The following MAP3K3 variants were observed in gnomAD, a reference collection of about 807,000 sequenced individuals.
MAP3K3 encodes MAP/ERK kinase kinase 3.
MAP3K3 carries 12 observed loss-of-function variants against 80.9 expected under a neutral mutation model. The ratio of observed to expected loss-of-function variants is 0.15; its 90% confidence interval spans 0.10 to 0.24. The LOEUF is 0.24. Ranked by LOEUF, MAP3K3 falls within the 10% of genes least tolerant of loss-of-function variation. The pLI is 1.00. For missense variants in MAP3K3, 596 were observed against 834.7 expected (o/e 0.71, Z 3.52); for synonymous variants, 272 against 307.1 (o/e 0.89, Z 1.19).
Position 63,689,842 on chromosome 17 carries a change from T to C in MAP3K3, c.1063+107T>C. 8.8e-7 allele frequency: 1 copy of C among 1,135,282 alleles called. No homozygotes were observed. Among genetic ancestry groups the C allele is most frequent in the Non-Finnish European group, 1.2e-6 (1 of 809,432 alleles). 70.3% of individuals were successfully genotyped at this position (1,135,282 alleles called of 1,614,324 possible). On this transcript the variant is annotated intron_variant, in intron 11 of 15. Transcript: ENST00000361733. This position sits in a 1 kb window ranked among gnomAD's most constrained non-coding sequence, Gnocchi z 4.3. ...ACCCTTAGGCTCAGCAGGTGGTGGC[T>C]TTGGCCCAAATGCACCACATGGGAT...
At position 63,670,102 on chromosome 17, in the gene MAP3K3, C is replaced by CA. The variant is rs112482349; in HGVS notation, c.502+3055dup. ...TGGGCAACAGATCAAGACCCTGTCT[C>CA]AAAAAAAAAAAAAGTAATTACCAAA... On this transcript the variant is annotated intron_variant, in intron 6 of 15. Transcript: ENST00000361733. Among the ~76,000 whole-genome samples the CA allele has an allele frequency of 6.2e-3, 796 of 127,916 alleles. 3 individuals are homozygous for CA. Among genetic ancestry groups the CA allele is most frequent in the Non-Finnish European group, 7.1e-3 (422 of 59,582 alleles). 83.9% of individuals were successfully genotyped at this position (127,916 alleles called of 152,430 possible). A position where few individuals can be genotyped will look rare whatever the true frequency, so the allele number is the denominator to read the frequency against.
chr17:63,656,965 A>G (rs1289261484), intron 4 of MAP3K3, among the ~76,000 whole-genome samples: 1 of 152,222 alleles, frequency 6.6e-6, no homozygotes, highest in East Asian at 1.9e-4. Flanking sequence ...AGAAGTGCCA[A>G]GCAAAGGGGG....
chr17:63,654,091 A>G (rs2034715277), intron 4 of MAP3K3, among the ~76,000 whole-genome samples: 2 of 152,052 alleles, frequency 1.3e-5, no homozygotes, highest in South Asian at 4.2e-4. Flanking sequence ...CTGGTCTCAA[A>G]TTCCTGAGCT....
rs1260713995 is a variant in MAP3K3, at chr17:63,692,924, C to G, written c.1652+505C>G. ...AATGTGATTGTATATAGCAAAGGGCCTTTGCAGATAGGATTAGGTTAAGGG... is the reference window on the plus strand; with the variant it reads ...AATGTGATTGTATATAGCAAAGGGCGTTTGCAGATAGGATTAGGTTAAGGG... On this transcript the variant is annotated intron_variant, in intron 15 of 15. Coordinates refer to ENST00000361733, the MANE Select transcript of MAP3K3 (RefSeq NM_002401.5). The surrounding 1 kb of genome is among the most constrained non-coding windows in gnomAD (Gnocchi z 4.5). Among the ~76,000 whole-genome samples the G allele has an allele frequency of 6.6e-6, 1 of 152,188 alleles. No homozygotes were observed. The highest frequency in any genetic ancestry group is 1.5e-5 in the Non-Finnish European group (1 of 68,040).
chr17:63,690,447 C>T (rs960120271), intron 12 of MAP3K3, 35 bp downstream of exon 12: 2 of 1,600,848 alleles, frequency 1.2e-6, no homozygotes, highest in Non-Finnish European at 1.7e-6. Flanking sequence ...TCAGTTCCCT[C>T]CTTTCAACAA....
At chr17:63,687,373 C>T (rs959708934) in intron 8 of MAP3K3, among the ~76,000 whole-genome samples, 11 of 149,960 alleles carry the variant, frequency 7.3e-5, no homozygotes, top group Non-Finnish European at 1.5e-4. Flanking sequence ...AATAGCTGGG[C>T]GTGGTGGCAG....
intron 2 of MAP3K3, among the ~76,000 whole-genome samples, chr17:63,634,355 G>A (rs1038193162): frequency 6.6e-6 from 1 of 152,172 alleles, no homozygotes. Context: ...ATCAGTTAGT[G>A]GGTGAAAAGG....
At chr17:63,646,368 C>CA (rs2034541703) in intron 3 of MAP3K3, among the ~76,000 whole-genome samples, 1 of 152,196 alleles carries the variant, frequency 6.6e-6, no homozygotes, top group South Asian at 2.1e-4. Flanking sequence ...TGGCCCTACT[C>CA]AGAGTCATGG....
At chr17:63,664,340 A>G (rs1282725150) in intron 5 of MAP3K3, among the ~76,000 whole-genome samples, 4 of 152,002 alleles carry the variant, frequency 2.6e-5, no homozygotes, top group African/African-American at 9.7e-5. Flanking sequence ...TTTCACAGCT[A>G]TCATAACTAT....
intron 2 of MAP3K3, among the ~76,000 whole-genome samples, chr17:63,641,133 A>AT (rs1173388842): frequency 2.6e-5 from 4 of 152,194 alleles, no homozygotes; most frequent in African/African-American, 9.7e-5. Context: ...ACTTTACCCA[A>AT]TTATATGATT....
intron 4 of MAP3K3, among the ~76,000 whole-genome samples, 175 bp downstream of exon 4, chr17:63,652,831 G>T (rs749929711): frequency 5.9e-5 from 9 of 152,096 alleles, no homozygotes; most frequent in Non-Finnish European, 7.4e-5. Flanking sequence ...TACTACATGG[G>T]AGATTACTCA....
At chr17:63,667,965 C>T (rs1316296815) in intron 6 of MAP3K3, among the ~76,000 whole-genome samples, 1 of 150,970 alleles carries the variant, frequency 6.6e-6, no homozygotes, top group Non-Finnish European at 1.5e-5. Context: ...TACTTGTTAA[C>T]CCAGGATTCC....
intron 5 of MAP3K3, among the ~76,000 whole-genome samples, chr17:63,660,178 G>T (rs747489346): frequency 6.6e-6 from 1 of 151,938 alleles, no homozygotes; most frequent in African/African-American, 2.4e-5. Flanking sequence ...TTGCCTCACC[G>T]CCTTTTGTTA....
intron 1 of MAP3K3, among the ~76,000 whole-genome samples, chr17:63,631,090 C>T (rs143732142): frequency 2.0e-5 from 3 of 152,276 alleles, no homozygotes; most frequent in Admixed American, 1.3e-4. Flanking sequence ...TGTTTGAAAT[C>T]AGCCTGGGCA....
chr17:63,678,173 C>T (rs954978041), intron 6 of MAP3K3, among the ~76,000 whole-genome samples: 10 of 151,870 alleles, frequency 6.6e-5, no homozygotes, highest in Non-Finnish European at 1.2e-4. Context: ...TTTCCCTCTG[C>T]GCAATGTGGA....
intron 6 of MAP3K3, among the ~76,000 whole-genome samples, chr17:63,667,969 G>C (rs923938841): frequency 2.0e-5 from 3 of 150,792 alleles, no homozygotes; most frequent in Non-Finnish European, 4.4e-5. Flanking sequence ...TGTTAACCCA[G>C]GATTCCTGTG....
intron 12 of MAP3K3, among the ~76,000 whole-genome samples, chr17:63,690,803 T>G (rs1407401072): frequency 6.6e-6 from 1 of 152,182 alleles, no homozygotes; most frequent in Non-Finnish European, 1.5e-5. Context: ...TCTTTGCAGT[T>G]CAGCTTTCAA....
chr17:63,658,787 T>A (rs1028631363), intron 5 of MAP3K3, among the ~76,000 whole-genome samples: 11 of 151,252 alleles, frequency 7.3e-5, no homozygotes, highest in African/African-American at 2.7e-4. Flanking sequence ...CAGGCTGGAA[T>A]GCAATGGTGT....
In MAP3K3 at chr17:63,647,127, A is replaced by G. The variant is rs1008021446; in HGVS notation, c.167+1053A>G. Among the ~76,000 whole-genome samples, 6 of 152,278 alleles carry G rather than the reference A, an allele frequency of 3.9e-5. No homozygotes were observed. The East Asian group carries it at 5.8e-4, about 15-fold the overall frequency. On this transcript the variant is annotated intron_variant, in intron 3 of 15. Transcript: ENST00000361733. Reference sequence around the variant, plus strand: ...CTGGCTCCAGAGGAGACCTGTGGCTACTATTCTCCCTTTAAAATACACATT... The same window carrying G: ...CTGGCTCCAGAGGAGACCTGTGGCTGCTATTCTCCCTTTAAAATACACATT...
Sources: allele counts gnomAD v4.1 joint callset (sites outside exome capture counted in the v4.1 genomes callset), GRCh38; gene constraint gnomAD v4.1.1; non-coding constraint Gnocchi (gnomAD v3.1); transcripts MANE v1.5; gene names NCBI Gene and HGNC (gene_info 2026-07-23, HGNC 2026-07-21).